SLC8A1: variants seen among roughly 807,000 people sequenced by gnomAD.
SLC8A1 encodes the protein sodium/calcium exchanger 1.
Under a neutral mutation model 68.3 loss-of-function variants are expected in SLC8A1, and 18 were observed. That is an observed-to-expected ratio of 0.26 (90% CI 0.18 to 0.39). The LOEUF (loss-of-function observed/expected upper bound fraction) is 0.39. Among genes scored for constraint, SLC8A1 ranks in the 10% least tolerant of loss-of-function variants. The pLI is 1.00. For missense variants in SLC8A1, 985 were observed against 1,156.7 expected, an observed-to-expected ratio of 0.85 and a Z score of 2.15; for synonymous variants, 475 against 415.5, an observed-to-expected ratio of 1.14 and a Z score of -1.74.
chr2:40,300,328 C>G (rs1205048368), intron 2 of SLC8A1, among the ~76,000 whole-genome samples: 2 of 152,080 alleles, frequency 1.3e-5, no homozygotes, highest in African/African-American at 4.8e-5. Context: ...GATGAGAAAG[C>G]AGATCTAGAC....
intron 2 of SLC8A1, among the ~76,000 whole-genome samples, chr2:40,193,689 T>G (rs1199833839): frequency 1.3e-5 from 2 of 152,146 alleles, no homozygotes; most frequent in Non-Finnish European, 2.9e-5. Context: ...GATTATGGAC[T>G]GCTATTATCC....
chr2:40,115,433 G>A (rs776273809), exon 8 of SLC8A1: 3 of 1,614,186 alleles, frequency 1.9e-6, no homozygotes, highest in Middle Eastern at 1.6e-4. Context: ...CAAAAATGGT[G>A]AAGAGAGTGA....
chr2:40,238,556 G>A lies in SLC8A1; in HGVS notation c.1809-60701C>T, dbSNP rs370756144. ...TACCTCAGATGGAAATGCAGAAATCGCCCGTCTTCTGCGTCGCTCACGCTG... is the reference window on the plus strand; with the variant it reads ...TACCTCAGATGGAAATGCAGAAATCACCCGTCTTCTGCGTCGCTCACGCTG... On this transcript the variant is annotated intron_variant, in intron 2 of 7. Transcript: ENST00000406785. Among the ~76,000 whole-genome samples, 321 of 152,254 alleles carry A rather than the reference G, an allele frequency of 2.1e-3. 2 individuals carry two copies. The highest frequency in any genetic ancestry group is 2.9e-3 in the Admixed American group (44 of 15,292).
At chr2:40,308,003 G>A (rs2072985831) in intron 2 of SLC8A1, among the ~76,000 whole-genome samples, 1 of 152,054 alleles carries the variant, frequency 6.6e-6, no homozygotes, top group African/African-American at 2.4e-5. Flanking sequence ...ATGAAATACT[G>A]AGATAATATG....
chr2:40,452,699 A>C (rs1350886034), upstream of SLC8A1, among the ~76,000 whole-genome samples: 2 of 150,580 alleles, frequency 1.3e-5, no homozygotes, highest in African/African-American at 4.9e-5. Flanking sequence ...GTGTTTTTCT[A>C]CGTATCAGAT....
intron 2 of SLC8A1, among the ~76,000 whole-genome samples, chr2:40,248,656 A>C (rs1200560272): frequency 6.6e-6 from 1 of 152,140 alleles, no homozygotes; most frequent in African/African-American, 2.4e-5. Flanking sequence ...GTAATAAAAT[A>C]TGTCATTTTT....
At chr2:40,191,377 A>G (rs541842831) in intron 2 of SLC8A1, among the ~76,000 whole-genome samples, 100 of 152,334 alleles carry the variant, frequency 6.6e-4, no homozygotes, top group African/African-American at 2.3e-3. Flanking sequence ...TCTTGATAGA[A>G]GGGATCCAAA....
At chr2:40,225,606 A>G (rs1246268400) in intron 2 of SLC8A1, among the ~76,000 whole-genome samples, 1 of 152,152 alleles carries the variant, frequency 6.6e-6, no homozygotes, top group Non-Finnish European at 1.5e-5. Context: ...TTCTGTGTAA[A>G]GGGCTCACGA....
chr2:40,252,384 G>A (rs2062898695), intron 2 of SLC8A1, among the ~76,000 whole-genome samples: 1 of 152,140 alleles, frequency 6.6e-6, no homozygotes, highest in African/African-American at 2.4e-5. Context: ...CCAGGCTGGA[G>A]TGCAGTGGCA....
At chr2:40,248,999 T>G (rs969278713) in intron 2 of SLC8A1, among the ~76,000 whole-genome samples, 1 of 152,186 alleles carries the variant, frequency 6.6e-6, no homozygotes, top group Non-Finnish European at 1.5e-5. Context: ...GGGACATTCA[T>G]TGAGAACAGG....
intron 2 of SLC8A1, among the ~76,000 whole-genome samples, chr2:40,215,636 T>C: frequency 2.2e-5 from 2 of 89,184 alleles, no homozygotes; most frequent in African/African-American, 4.9e-5. Flanking sequence ...AAAGCGAGAC[T>C]CCGTCTCAAA....
chr2:40,150,214 G>A (rs1283634239), intron 6 of SLC8A1, among the ~76,000 whole-genome samples: 1 of 152,146 alleles, frequency 6.6e-6, no homozygotes, highest in African/African-American at 2.4e-5. Flanking sequence ...GCGGTGGGAT[G>A]TATGTGCCAA....
chr2:40,260,169 C>T (rs187407225), intron 2 of SLC8A1, among the ~76,000 whole-genome samples: 1 of 152,288 alleles, frequency 6.6e-6, no homozygotes, highest in African/African-American at 2.4e-5. Context: ...CCCTCCCCTC[C>T]TTTTTTCTCT....
chr2:40,285,556 AC>A (rs2068172738), intron 2 of SLC8A1, among the ~76,000 whole-genome samples: 1 of 152,172 alleles, frequency 6.6e-6, no homozygotes, highest in South Asian at 2.1e-4. Flanking sequence ...CAAGTCTATA[AC>A]AATGGTAGAG....
chr2:40,406,799 G>C (rs780789637), intron 2 of SLC8A1, among the ~76,000 whole-genome samples: 6 of 152,176 alleles, frequency 3.9e-5, no homozygotes, highest in Non-Finnish European at 8.8e-5. Flanking sequence ...GCAATGCTCA[G>C]AGACATCTGC....
chr2:40,448,121 G>A (rs1348824469), intron 1 of SLC8A1, among the ~76,000 whole-genome samples: 1 of 149,776 alleles, frequency 6.7e-6, no homozygotes, highest in African/African-American at 2.6e-5. Flanking sequence ...TCAATGCACT[G>A]GAAAATACAT....
chr2:40,254,633 T>C (rs1432224092), intron 2 of SLC8A1: 3 of 152,134 alleles, frequency 2.0e-5, no homozygotes, highest in African/African-American at 7.2e-5. Context: ...AAATTGTGAG[T>C]TTTAACCTAC....
At chr2:40,379,727 G>T (rs1681110964) in intron 2 of SLC8A1, among the ~76,000 whole-genome samples, 1 of 151,644 alleles carries the variant, frequency 6.6e-6, no homozygotes, top group South Asian at 2.1e-4. Context: ...GTCAGCACTG[G>T]TGCTCTAAGA....
chr2:40,387,677 C>T (rs903964235), intron 2 of SLC8A1, among the ~76,000 whole-genome samples: 1 of 151,248 alleles, frequency 6.6e-6, no homozygotes, highest in Admixed American at 6.6e-5. Flanking sequence ...GTGGCTCATG[C>T]CTGTAATCCC....
Sources: allele counts gnomAD v4.1 joint callset (sites outside exome capture counted in the v4.1 genomes callset), GRCh38; gene constraint gnomAD v4.1.1; transcripts MANE v1.5; gene names NCBI Gene and HGNC (gene_info 2026-07-23, HGNC 2026-07-21).